Variants in QPRT observed in about 807,000 individuals in gnomAD.
The protein encoded by QPRT is nicotinate-nucleotide pyrophosphorylase [carboxylating].
Under a neutral mutation model 19.8 loss-of-function variants are expected in QPRT, and 17 were observed. The ratio of observed to expected loss-of-function variants is 0.86; its 90% CI spans 0.59 to 1.29. QPRT has a LOEUF of 1.29. Ranked by LOEUF, QPRT falls within the 50% of genes most tolerant of loss-of-function variation. The probability of loss-of-function intolerance (pLI) is 0.00; values close to 1 mark genes in which losing one functional copy is unlikely to be tolerated. For synonymous variants in QPRT, 178 were observed against 191.0 expected (o/e 0.93, Z 0.56); for missense variants, 336 against 405.1 (o/e 0.83, Z 1.46).
intron 1 of QPRT, among the ~76,000 whole-genome samples, chr16:29,694,174 A>AGT (rs1250310416): frequency 2.0e-5 from 3 of 150,874 alleles, no homozygotes; most frequent in African/African-American, 7.3e-5. Flanking sequence ...GCTGGAGTGC[A>AGT]GTGGCCTGAT....
At chr16:29,691,385 A>AAT (rs1967327828) in intron 1 of QPRT, among the ~76,000 whole-genome samples, 1 of 136,514 alleles carries the variant, frequency 7.3e-6, no homozygotes. Flanking sequence ...AAAAAAAAAA[A>AAT]AAAAAAAAAT....
In QPRT at chr16:29,694,970, C is replaced by A. The variant is rs933786087; in HGVS notation, c.320C>A (p.Thr107Lys). The stretch of plus-strand genomic sequence containing the variant: ...CTGGGGGAACGGGTGGCCCTCAACA[C>A]GCTGGCCCGCTGCAGTGGCATTGCC... ...LLLGERVALN[T>K]LARCSGIASA... The change falls in exon 2 of 4, where the codon ACG (threonine) becomes AAG (lysine). Residue 107 changes from threonine to lysine, a missense_variant. By Grantham distance (78) the Thr-to-Lys change is moderately conservative. Coordinates refer to ENST00000395384, the MANE Select transcript of QPRT (RefSeq NM_014298.6). 3 of 1,608,244 alleles carry A rather than the reference C, an allele frequency of 1.9e-6. No individual in the cohort carries two copies. The highest frequency in any genetic ancestry group is 2.5e-6 in the Non-Finnish European group (3 of 1,179,346).
intron 1 of QPRT, among the ~76,000 whole-genome samples, chr16:29,692,159 C>A (rs1360585181): frequency 6.6e-6 from 1 of 152,230 alleles, no homozygotes; most frequent in Non-Finnish European, 1.5e-5. Context: ...GCTGTTGCAC[C>A]GCGCCTGGGT....
chr16:29,697,345 C>T lies in QPRT; in HGVS notation c.828C>T (p.Ala276=), dbSNP rs1347843885. The change falls in exon 4 of 4, where the codon GCC becomes GCT. Residue 276 remains alanine, a synonymous_variant. Transcript: ENST00000395384. This position sits in a 1 kb window ranked among gnomAD's most constrained non-coding sequence, Gnocchi z 4.4. Reference sequence around the variant, plus strand: ...CCATGGGGATGCTGACCCAGGCGGCCCCAGCCCTTGATTTCTCCCTCAAGC... The same window carrying T: ...CCATGGGGATGCTGACCCAGGCGGCTCCAGCCCTTGATTTCTCCCTCAAGC... ...VISMGMLTQA[A]PALDFSLKLF... 1.2e-6 allele frequency: 2 copies of T among 1,614,092 alleles called. No individual in the cohort carries two copies. The highest frequency in any genetic ancestry group is 8.5e-7 in the Non-Finnish European group (1 of 1,179,988).
At chr16:29,696,908 A>G in intron 2 of QPRT, 88 bp from the exon 3 acceptor site, 1 of 1,454,894 alleles carries the variant, frequency 6.9e-7, no homozygotes, top group Non-Finnish European at 9.1e-7. Flanking sequence ...GCTGGGCCCT[A>G]TCGTCACCCT....
Position 29,696,982 on chromosome 16 carries a change from C to G in QPRT, c.550-14C>G. 6.3e-7 allele frequency: 1 copy of G among 1,589,416 alleles called. No homozygotes were observed. The highest frequency in any genetic ancestry group is 8.5e-7 in the Non-Finnish European group (1 of 1,170,210). ...GGCCCAGTCCTCACCCTTGTCCTCC[C>G]GGCTGCCCAGCAGGCGGTGCGGGCG... is the stretch of plus-strand genomic sequence containing the variant. On this transcript the variant is annotated splice_polypyrimidine_tract_variant and intron_variant, in intron 2 of 3. Coordinates refer to ENST00000395384, the MANE Select transcript of QPRT (RefSeq NM_014298.6).
intron 2 of QPRT, chr16:29,696,261 G>A (rs1331246306): frequency 6.6e-6 from 1 of 152,078 alleles, no homozygotes; most frequent in Admixed American, 6.6e-5. Context: ...AGGCCCAGTT[G>A]GGGGGATTAC....
intron 1 of QPRT, among the ~76,000 whole-genome samples, chr16:29,687,719 C>G (rs887342240): frequency 3.3e-5 from 5 of 151,796 alleles, no homozygotes; most frequent in Admixed American, 1.3e-4. Flanking sequence ...GGGTCCATCC[C>G]TTTTCCATTG....
chr16:29,690,556 G>C (rs929304011), intron 1 of QPRT, among the ~76,000 whole-genome samples: 1 of 152,044 alleles, frequency 6.6e-6, no homozygotes, highest in Non-Finnish European at 1.5e-5. Flanking sequence ...AGGCAATGCT[G>C]ATTTGCTCTG....
intron 1 of QPRT, among the ~76,000 whole-genome samples, chr16:29,687,788 G>GA (rs1967205080): frequency 6.8e-6 from 1 of 148,066 alleles, no homozygotes; most frequent in Non-Finnish European, 1.5e-5. Flanking sequence ...AAAAGAAAAA[G>GA]AAAAAAATGT....
intron 1 of QPRT, among the ~76,000 whole-genome samples, chr16:29,692,302 C>T (rs1410401932): frequency 6.6e-6 from 1 of 151,968 alleles, no homozygotes; most frequent in African/African-American, 2.4e-5. Context: ...GGGTACTGGC[C>T]GGGCGCGGTG....
chr16:29,679,232 C>T, intron 1 of QPRT, 22 bp downstream of exon 1: 1 of 1,577,634 alleles, frequency 6.3e-7, no homozygotes, highest in South Asian at 1.1e-5. Context: ...CTCTCTCTGC[C>T]ATGTCCCTGC....
At chr16:29,681,367 A>G (rs542863572) in intron 1 of QPRT, among the ~76,000 whole-genome samples, 4 of 151,730 alleles carry the variant, frequency 2.6e-5, no homozygotes, top group African/African-American at 7.2e-5. Context: ...TTACTGAGGG[A>G]TCAGGGATGG....
intron 2 of QPRT, 56 bp downstream of exon 2, chr16:29,695,255 C>G: frequency 6.8e-7 from 1 of 1,468,832 alleles, no homozygotes; most frequent in South Asian, 1.4e-5. Flanking sequence ...CCCTCCCCTC[C>G]CCTCCCCTCT....
intron 1 of QPRT, among the ~76,000 whole-genome samples, chr16:29,690,791 G>A (rs1316825978): frequency 2.0e-5 from 3 of 152,150 alleles, no homozygotes; most frequent in Non-Finnish European, 2.9e-5. Flanking sequence ...CCTGGTTCAA[G>A]TGATTATCCT....
At position 29,693,748 on chromosome 16, in the gene QPRT, G is replaced by A. The variant is rs555914359; in HGVS notation, c.14-916G>A. ...ATTGCAGGCGCCTGCCACCACGCCC[G>A]GCTAATTTTTGTATTTTTAGTAGAG... is the stretch of plus-strand genomic sequence containing the variant. On this transcript the variant is annotated intron_variant, in intron 1 of 3. Transcript: ENST00000395384. 1.1e-3 allele frequency among the ~76,000 whole-genome samples: 160 copies of A among 151,676 alleles called. 1 individual carries two copies. Among genetic ancestry groups the A allele is most frequent in the African/African-American group, 3.5e-3 (146 of 41,320 alleles).
chr16:29,697,023 G>A lies in QPRT; in HGVS notation c.577G>A (p.Asp193Asn). The A allele has an allele frequency of 1.9e-6, 3 of 1,609,492 alleles. No homozygotes were observed. Among genetic ancestry groups the A allele is most frequent in the East Asian group, 4.5e-5 (2 of 44,842 alleles). ...GGTGCGGGCGGCCAGACAGGCGGCT[G>A]ACTTCACTCTGAAGGTGGAAGTGGA... is the stretch of plus-strand genomic sequence containing the variant. ...KAVRAARQAA[D>N]FTLKVEVECS... Residue 193 changes from aspartate (D) to asparagine (N), a missense_variant, in exon 3 of 4, where the codon GAC (aspartate) becomes AAC (asparagine). Transcript: ENST00000395384. The surrounding 1 kb of genome is among the most constrained non-coding windows in gnomAD (Gnocchi z 4.4).
intron 1 of QPRT, among the ~76,000 whole-genome samples, chr16:29,680,142 A>G (rs971212738): frequency 2.1e-4 from 32 of 151,924 alleles, no homozygotes; most frequent in African/African-American, 7.7e-4. Context: ...TATTTTTAGT[A>G]GAGACGGGGT....
chr16:29,695,135 A>ACGACCTGGGAGGGCTGGTGAT lies in QPRT; in HGVS notation c.486_506dup (p.Val168_Met169insIleAspLeuGlyGlyLeuVal). The ACGACCTGGGAGGGCTGGTGAT allele has an allele frequency of 6.3e-7, 1 of 1,584,620 alleles. No individual in the cohort carries two copies. Among genetic ancestry groups the ACGACCTGGGAGGGCTGGTGAT allele is most frequent in the African/African-American group, 1.3e-5 (1 of 74,816 alleles). ...GTGGGCGGGGCCGCCTCGCACCGCTACGACCTGGGAGGGCTGGTGATGGTG... is the reference window on the plus strand; with the variant it reads ...GTGGGCGGGGCCGCCTCGCACCGCTACGACCTGGGAGGGCTGGTGATCGACCTGGGAGGGCTGGTGATGGTG... On this transcript the variant is annotated inframe_insertion, in exon 2 of 4. Transcript: ENST00000395384.
Sources: gnomAD v4.1 joint callset for allele counts (sites outside exome capture counted in the v4.1 genomes callset) on GRCh38, gnomAD v4.1.1 for gene constraint, Gnocchi (gnomAD v3.1) non-coding constraint, MANE v1.5 for transcripts, NCBI Gene and HGNC (gene_info 2026-07-23, HGNC 2026-07-21) for gene names.